Variants in ADARB1 observed in about 807,000 individuals in gnomAD.
ADARB1 encodes adenosine deaminase RNA specific B1, also known as double-stranded RNA-specific editase 1.
Under a neutral mutation model 52.4 loss-of-function variants are expected in ADARB1, and 10 were observed. The observed-to-expected ratio is 0.19, with a 90% CI of 0.12 to 0.32. ADARB1 has a LOEUF of 0.32. ADARB1 is among the 10% of genes least tolerant of loss of function. ADARB1 has a pLI of 1.00. For missense variants in ADARB1, 643 were observed against 922.3 expected, an observed-to-expected ratio of 0.70 and a Z score of 3.92; for synonymous variants, 349 against 371.1, an observed-to-expected ratio of 0.94 and a Z score of 0.68.
intron 2 of ADARB1, among the ~76,000 whole-genome samples, chr21:45,138,182 G>GC (rs1384912675): frequency 6.6e-6 from 1 of 152,208 alleles, no homozygotes; most frequent in African/African-American, 2.4e-5. Context: ...GCTGCATCCT[G>GC]CACTTGCTAT....
In ADARB1 at chr21:45,128,816, C is replaced by T. The variant is rs2088756416; in HGVS notation, c.-48+243C>T. On this transcript the variant is annotated intron_variant, in intron 2 of 10. Transcript: ENST00000348831. The surrounding 1 kb of genome is among the most constrained non-coding windows in gnomAD (Gnocchi z 4.6). ...CTGCCCTCCAGTGGCATGTGTGGCA[C>T]CTGCTGCCCTCCAGTGGCATGTGTG... is the stretch of plus-strand genomic sequence containing the variant. 6.6e-6 allele frequency among the ~76,000 whole-genome samples: 1 copy of T among 152,064 alleles called. No homozygotes were observed. The highest frequency in any genetic ancestry group is 6.5e-5 in the Admixed American group (1 of 15,272).
intron 2 of ADARB1, among the ~76,000 whole-genome samples, chr21:45,153,585 GT>G (rs1362053137): frequency 6.6e-6 from 1 of 152,162 alleles, no homozygotes; most frequent in East Asian, 1.9e-4. Context: ...ATTAACCTCG[GT>G]TTTTTGGTGT....
intron 1 of ADARB1, among the ~76,000 whole-genome samples, chr21:45,113,713 G>A (rs1038337438): frequency 6.6e-6 from 1 of 152,100 alleles, no homozygotes; most frequent in African/African-American, 2.4e-5. Flanking sequence ...AGAGGAGCCT[G>A]TGCAGCACAT....
chr21:45,176,355 C>G lies in ADARB1; in HGVS notation c.654C>G (p.Ala218=), dbSNP rs942684350. 6.2e-6 allele frequency: 10 copies of G among 1,614,062 alleles called. No homozygotes were observed. In the African/African-American group the frequency reaches 1.1e-4, roughly 17 times the overall value. The change falls in exon 4 of 11, where the codon GCC becomes GCG. Residue 218 remains alanine (A), a synonymous_variant. Coordinates refer to ENST00000348831, the MANE Select transcript of ADARB1 (RefSeq NM_001112.4). This position sits in a 1 kb window ranked among gnomAD's most constrained non-coding sequence, Gnocchi z 5.8. ...CTTCCCCGGTGCCTGCCAGCCTAGC[C>G]CAGCCTCCTCTCCCTGTCTTACCAC... ...LSASPVPASL[A]QPPLPVLPPF...
chr21:45,144,743 G>A lies in ADARB1; in HGVS notation c.-48+16170G>A, dbSNP rs200454519. ...TGACTACAAAATGAATTAATATGCAGTAAGAGAGCCAGTGCCCCACCAGGG... is the reference window on the plus strand; with the variant it reads ...TGACTACAAAATGAATTAATATGCAATAAGAGAGCCAGTGCCCCACCAGGG... On this transcript the variant is annotated intron_variant, in intron 2 of 10. Coordinates refer to ENST00000348831, the MANE Select transcript of ADARB1 (RefSeq NM_001112.4). 8.1e-5 allele frequency: 33 copies of A among 407,510 alleles called. No individual in the cohort carries two copies. In the East Asian group the frequency reaches 2.1e-3, roughly 26 times the overall value. 25.2% of individuals were successfully genotyped at this position (407,510 alleles called of 1,614,324 possible).
Position 45,204,857 on chromosome 21 carries a change from C to T in ADARB1, c.1747+121C>T, listed in dbSNP as rs2092635371. 14 of 1,107,200 alleles carry T rather than the reference C, an allele frequency of 1.3e-5. No individual in the cohort carries two copies. Among genetic ancestry groups the T allele is most frequent in the Non-Finnish European group, 1.6e-5 (13 of 792,500 alleles). 68.6% of individuals were successfully genotyped at this position (1,107,200 alleles called of 1,614,324 possible). The stretch of plus-strand genomic sequence containing the variant: ...TGGCTATCAAAAGAACATCAGAGTC[C>T]TTCTAAAGAGACCCAAGGTGATGTT... On this transcript the variant is annotated intron_variant, in intron 9 of 10. Transcript: ENST00000348831. The surrounding 1 kb of genome is among the most constrained non-coding windows in gnomAD (Gnocchi z 4.4).
At chr21:45,187,727 G>A (rs1019017807) in intron 8 of ADARB1, among the ~76,000 whole-genome samples, 10 of 152,138 alleles carry the variant, frequency 6.6e-5, no homozygotes, top group Non-Finnish European at 1.2e-4. Flanking sequence ...TATTAAGAAA[G>A]GGTGTTAAAT....
At chr21:45,109,273 C>T (rs575888681) in intron 1 of ADARB1, among the ~76,000 whole-genome samples, 50 of 149,188 alleles carry the variant, frequency 3.4e-4, no homozygotes, top group African/African-American at 1.1e-3. Flanking sequence ...GTGCACTGCG[C>T]GCGTGTGCGC....
At chr21:45,155,190 C>G (rs748615269) in intron 2 of ADARB1, among the ~76,000 whole-genome samples, 8 of 152,202 alleles carry the variant, frequency 5.3e-5, no homozygotes, top group Non-Finnish European at 1.2e-4. Flanking sequence ...TGGGCTCCCC[C>G]ATGTTTCCAG....
chr21:45,159,088 C>T (rs187387900), intron 2 of ADARB1, among the ~76,000 whole-genome samples: 44 of 152,276 alleles, frequency 2.9e-4, no homozygotes, highest in East Asian at 1.5e-3. Flanking sequence ...AGGTGATCAT[C>T]TGCATTAGTC....
intron 2 of ADARB1, among the ~76,000 whole-genome samples, chr21:45,151,401 TAGAA>T (rs1295281370): frequency 1.3e-5 from 2 of 152,248 alleles, no homozygotes; most frequent in East Asian, 1.9e-4. Context: ...AATAATGAAT[TAGAA>T]AGTGGATGTT....
chr21:45,157,710 AG>A lies in ADARB1; in HGVS notation c.-47-13897del, dbSNP rs1171954128. On this transcript the variant is annotated intron_variant, in intron 2 of 10. Coordinates refer to ENST00000348831, the MANE Select transcript of ADARB1 (RefSeq NM_001112.4). This position sits in a 1 kb window ranked among gnomAD's most constrained non-coding sequence, Gnocchi z 4.1. ...ATATGTGCATAGGGTGGGGGTAACG[AG>A]GGAGAGGGACAAGAAGGGCCAGGGC... Among the ~76,000 whole-genome samples the A allele has an allele frequency of 6.6e-6, 1 of 152,142 alleles. No individual in the cohort carries two copies. The highest frequency in any genetic ancestry group is 2.4e-5 in the African/African-American group (1 of 41,432).
Position 45,180,319 on chromosome 21 carries a change from T to C in ADARB1, c.964-11T>C, listed in dbSNP as rs138393896. On this transcript the variant is annotated splice_polypyrimidine_tract_variant and intron_variant, in intron 4 of 10. Transcript: ENST00000348831. ...TCTGGCCCCTAACCTGCATCTGTGC[T>C]TCCCACACAGGTTTTAGCTGACGCT... 5.7e-4 allele frequency: 912 copies of C among 1,606,258 alleles called. 2 individuals are homozygous for C. The Middle Eastern group carries it at 0.012, about 21-fold the overall frequency.
At chr21:45,159,596 G>C (rs950069287) in intron 2 of ADARB1, among the ~76,000 whole-genome samples, 15 of 152,170 alleles carry the variant, frequency 9.9e-5, no homozygotes, top group African/African-American at 3.4e-4. Flanking sequence ...TTCTGCCTTG[G>C]AGGATGATGT....
intron 1 of ADARB1, among the ~76,000 whole-genome samples, chr21:45,082,514 C>T (rs1406106313): frequency 6.6e-6 from 1 of 152,174 alleles, no homozygotes; most frequent in African/African-American, 2.4e-5. Flanking sequence ...AGAACTGGCT[C>T]TTCTTCAGGG....
rs1569196637 is a variant in ADARB1 at position 45,224,588 on chromosome 21, T to TTTTGGGGGGA, written c.*2391_*2392insTTTGGGGGGA. ...GTTCGGGGTGCCCTGGGCAGGGGGC[T>TTTTGGGGGGA]ACTGGGGGGCGGCTGTGAGGAGGAG... On this transcript the variant is annotated 3_prime_UTR_variant, in exon 11 of 11. Transcript: ENST00000348831. 3.7e-6 allele frequency: 1 copy of TTTTGGGGGGA among 273,390 alleles called. No individual in the cohort carries two copies. 16.9% of individuals were successfully genotyped at this position (273,390 alleles called of 1,614,324 possible).
intron 1 of ADARB1, among the ~76,000 whole-genome samples, chr21:45,114,849 GT>G (rs966924359): frequency 1.3e-5 from 2 of 152,246 alleles, no homozygotes; most frequent in African/African-American, 4.8e-5. Context: ...ATGCTGCAGG[GT>G]GACAGTAGCC....
chr21:45,205,959 C>T (rs920056760), intron 9 of ADARB1, among the ~76,000 whole-genome samples: 3 of 152,106 alleles, frequency 2.0e-5, no homozygotes, highest in Admixed American at 2.0e-4. Flanking sequence ...CCTGTCAGAG[C>T]ACATGAAGGA....
intron 3 of ADARB1, among the ~76,000 whole-genome samples, chr21:45,174,706 CAT>C (rs2091622864): frequency 6.6e-6 from 1 of 151,954 alleles, no homozygotes; most frequent in Non-Finnish European, 1.5e-5. Flanking sequence ...TACATACATA[CAT>C]ACATACATAC....
Sources: allele counts gnomAD v4.1 joint callset (sites outside exome capture counted in the v4.1 genomes callset), GRCh38; gene constraint gnomAD v4.1.1; non-coding constraint Gnocchi (gnomAD v3.1); transcripts MANE v1.5; gene names NCBI Gene and HGNC (gene_info 2026-07-23, HGNC 2026-07-21).